The following GLI2 variants were observed in gnomAD, a reference collection of about 807,000 sequenced individuals.
The protein encoded by GLI2 is GLI family zinc finger 2.
GLI2 carries 22 observed loss-of-function variants against 78.9 expected under a neutral mutation model. The ratio of observed to expected loss-of-function variants is 0.28; its 90% CI spans 0.20 to 0.40. The LOEUF (loss-of-function observed/expected upper bound fraction) is 0.40, where lower values mean the gene tolerates loss of function less well. Among genes scored for constraint, GLI2 ranks in the 10% least tolerant of loss-of-function variants. The pLI is 1.00. For synonymous variants in GLI2, 974 were observed against 963.7 expected, an observed-to-expected ratio of 1.01 and a Z score of -0.20; for missense variants, 2,097 against 2,213.2, an observed-to-expected ratio of 0.95 and a Z score of 1.05.
chr2:120,878,284 A>G (rs1328930569), intron 2 of GLI2, among the ~76,000 whole-genome samples: 2 of 152,232 alleles, frequency 1.3e-5, no homozygotes, highest in African/African-American at 4.8e-5. Flanking sequence ...ACCACCGTCA[A>G]ATGTATTAGT....
At chr2:120,841,784 C>T (rs951491812) in intron 2 of GLI2, among the ~76,000 whole-genome samples, 6 of 150,528 alleles carry the variant, frequency 4.0e-5, no homozygotes, top group African/African-American at 1.5e-4. Flanking sequence ...GAGCAGAATG[C>T]GTGGGCCAGT....
intron 1 of GLI2, among the ~76,000 whole-genome samples, chr2:120,775,394 A>T (rs2104663019): frequency 1.3e-5 from 2 of 152,334 alleles, no homozygotes; most frequent in Middle Eastern, 3.4e-3. Context: ...GGTGCCGTTC[A>T]GTGGTGTCCA....
At chr2:120,747,399 G>T (rs1182847476) in intron 1 of GLI2, among the ~76,000 whole-genome samples, 1 of 152,188 alleles carries the variant, frequency 6.6e-6, no homozygotes, top group Non-Finnish European at 1.5e-5. Flanking sequence ...GGCAGTAGGG[G>T]CAGAGCTCTG....
chr2:120,750,138 C>A (rs948993720), intron 1 of GLI2, among the ~76,000 whole-genome samples: 3 of 152,210 alleles, frequency 2.0e-5, no homozygotes, highest in Admixed American at 6.5e-5. Flanking sequence ...CCTGGGTGGC[C>A]CCTCGTGTCC....
intron 2 of GLI2, among the ~76,000 whole-genome samples, chr2:120,915,525 A>G (rs909494839): frequency 6.6e-6 from 1 of 152,162 alleles, no homozygotes; most frequent in Non-Finnish European, 1.5e-5. Context: ...GTGGCTTATT[A>G]TTGAAAATCA....
intron 2 of GLI2, among the ~76,000 whole-genome samples, chr2:120,902,504 A>G (rs1307423446): frequency 2.0e-5 from 3 of 152,158 alleles, no homozygotes; most frequent in African/African-American, 4.8e-5. Context: ...GATTCCCCAG[A>G]GTGTGCAAAA....
chr2:120,747,489 G>T (rs1205399563), intron 1 of GLI2, among the ~76,000 whole-genome samples: 2 of 152,170 alleles, frequency 1.3e-5, no homozygotes, highest in African/African-American at 2.4e-5. Flanking sequence ...GGAGCAGCTG[G>T]TTTGCCTCAA....
chr2:120,973,275 A>AG (rs1682282163), intron 8 of GLI2, among the ~76,000 whole-genome samples: 1 of 152,232 alleles, frequency 6.6e-6, no homozygotes, highest in Admixed American at 6.5e-5. Flanking sequence ...GAAATTGATG[A>AG]GGACGGCACA....
In GLI2 at chr2:120,992,050, A is replaced by ACACACACACACACACCCC. The variant is rs1553480327; in HGVS notation, c.*1376_*1377insACACACACACACACCCCC. ...CACACACACACACACACACACACAC[A>ACACACACACACACACCCC]CCCCAAACCTTTTCATGGGGAATGT... On this transcript the variant is annotated 3_prime_UTR_variant, in exon 14 of 14. Coordinates refer to ENST00000361492, the MANE Select transcript of GLI2 (RefSeq NM_001374353.1). The ACACACACACACACACCCC allele has an allele frequency of 2.7e-5, 4 of 147,000 alleles. No individual in the cohort carries two copies. Among genetic ancestry groups the ACACACACACACACACCCC allele is most frequent in the Admixed American group, 2.0e-4 (3 of 14,712 alleles). 9.1% of individuals were successfully genotyped at this position (147,000 alleles called of 1,614,324 possible).
intron 2 of GLI2, among the ~76,000 whole-genome samples, chr2:120,825,754 C>T (rs761521581): frequency 1.6e-4 from 25 of 152,236 alleles, no homozygotes; most frequent in Admixed American, 5.9e-4. Context: ...TGTCCCCCTC[C>T]TGGTGCTTCC....
intron 3 of GLI2, among the ~76,000 whole-genome samples, chr2:120,944,966 T>C (rs542628771): frequency 1.3e-5 from 2 of 152,362 alleles, no homozygotes; most frequent in African/African-American, 4.8e-5. Context: ...TTTTCCCCTC[T>C]TCCTTACTTC....
chr2:120,847,205 A>G (rs1463286418), intron 2 of GLI2, among the ~76,000 whole-genome samples: 1 of 152,130 alleles, frequency 6.6e-6, no homozygotes, highest in Non-Finnish European at 1.5e-5. Context: ...TGACTGCTCC[A>G]TCAGGCTCAG....
At chr2:120,824,299 C>T (rs924840426) in intron 2 of GLI2, among the ~76,000 whole-genome samples, 3 of 152,214 alleles carry the variant, frequency 2.0e-5, no homozygotes, top group East Asian at 3.9e-4. Flanking sequence ...CAAATTTACT[C>T]GCTGTGTTGA....
intron 1 of GLI2, among the ~76,000 whole-genome samples, chr2:120,768,102 A>G (rs1350448242): frequency 1.3e-5 from 2 of 152,218 alleles, no homozygotes; most frequent in Non-Finnish European, 2.9e-5. Context: ...CGAGTTTGGC[A>G]TATTTTAAAA....
chr2:120,844,037 C>T (rs1022695216), intron 2 of GLI2, among the ~76,000 whole-genome samples: 1 of 152,176 alleles, frequency 6.6e-6, no homozygotes, highest in Non-Finnish European at 1.5e-5. Context: ...GCCTGTTTCC[C>T]ACCTTTTACA....
chr2:120,833,769 G>A (rs1686476997), intron 2 of GLI2, among the ~76,000 whole-genome samples: 1 of 152,154 alleles, frequency 6.6e-6, no homozygotes. Context: ...CTGCTAGCTG[G>A]CAGGAAACAT....
intron 1 of GLI2, among the ~76,000 whole-genome samples, chr2:120,784,319 G>A (rs1185422008): frequency 6.6e-6 from 1 of 152,240 alleles, no homozygotes; most frequent in Non-Finnish European, 1.5e-5. Flanking sequence ...TGGGGCAGGA[G>A]GGCTGGGACA....
intron 2 of GLI2, among the ~76,000 whole-genome samples, chr2:120,910,945 TGGTGCTCCACCTCCTTACCA>T (rs1678785565): frequency 6.6e-6 from 1 of 152,258 alleles, no homozygotes; most frequent in South Asian, 2.1e-4. Context: ...TGGAGTTTGT[TGGTGCTCCACCTCCTTACCA>T]GGGCCTGGGT....
chr2:120,933,766 T>C (rs1157040341), intron 3 of GLI2, among the ~76,000 whole-genome samples: 1 of 152,114 alleles, frequency 6.6e-6, no homozygotes, highest in Non-Finnish European at 1.5e-5. Context: ...GAGAGGAATG[T>C]AGAAGTCCAT....
Sources: allele counts gnomAD v4.1 joint callset (sites outside exome capture counted in the v4.1 genomes callset), GRCh38; gene constraint gnomAD v4.1.1; transcripts MANE v1.5; gene names NCBI Gene and HGNC (gene_info 2026-07-23, HGNC 2026-07-21).